Variants in PPP2R2B observed in about 807,000 individuals in gnomAD.
The protein encoded by PPP2R2B is serine/threonine-protein phosphatase 2A 55 kDa regulatory subunit B beta isoform.
In PPP2R2B, 5 loss-of-function variants were observed where a neutral mutation model predicts 46.0. The ratio of observed to expected loss-of-function variants is 0.11; its 90% confidence interval spans 0.06 to 0.23. The LOEUF is 0.23. Among genes scored for constraint, PPP2R2B ranks in the 10% least tolerant of loss-of-function variants. The pLI, the probability that PPP2R2B is intolerant of heterozygous loss-of-function variation, is 1.00. For missense variants in PPP2R2B, 367 were observed against 575.0 expected, an observed-to-expected ratio of 0.64 and a Z score of 3.70; for synonymous variants, 215 against 206.7, an observed-to-expected ratio of 1.04 and a Z score of -0.34.
chr5:146,972,447 C>A lies in PPP2R2B; in HGVS notation c.79+83218G>T, dbSNP rs183710373. Among the ~76,000 whole-genome samples the A allele has an allele frequency of 1.6e-4, 25 of 152,260 alleles. No individual in the cohort carries two copies. In the East Asian group the frequency reaches 3.5e-3, roughly 21 times the overall value. On this transcript the variant is annotated intron_variant, in intron 1 of 8. Transcript: ENST00000336640. The stretch of plus-strand genomic sequence containing the variant: ...GAGATGTTGGCTGGGCACGGTGGCT[C>A]ATGCCTGTAATCTCAGCACTTTGGG...
intron 2 of PPP2R2B, among the ~76,000 whole-genome samples, chr5:146,828,261 TAAA>T (rs1218241360): frequency 6.8e-6 from 1 of 147,582 alleles, no homozygotes; most frequent in East Asian, 2.0e-4. Flanking sequence ...TTACTTTTTT[TAAA>T]AAAAAAAAAG....
rs1283626644 is a variant in PPP2R2B at position 146,585,204 on chromosome 5, C to A, written c.*4743G>T. On this transcript the variant is annotated 3_prime_UTR_variant, in exon 10 of 10. Coordinates refer to ENST00000394411, the MANE Select transcript of PPP2R2B (RefSeq NM_181675.4). The stretch of plus-strand genomic sequence containing the variant: ...ACCAATGAATCTTTAATTCATTGAG[C>A]TTATGGGTCATTACTGGGGCTTGTT... 6.8e-6 allele frequency: 1 copy of A among 147,598 alleles called. No individual in the cohort carries two copies. The highest frequency in any genetic ancestry group is 1.5e-5 in the Non-Finnish European group (1 of 67,096). 9.1% of individuals were successfully genotyped at this position (147,598 alleles called of 1,614,324 possible).
At chr5:146,604,746 C>A (rs1772102126) in intron 7 of PPP2R2B, among the ~76,000 whole-genome samples, 2 of 152,176 alleles carry the variant, frequency 1.3e-5, no homozygotes. Flanking sequence ...AGGAGACAGA[C>A]CAGGAGGAAA....
intron 2 of PPP2R2B, among the ~76,000 whole-genome samples, chr5:146,753,469 A>G (rs1473930659): frequency 6.6e-6 from 1 of 152,182 alleles, no homozygotes; most frequent in Non-Finnish European, 1.5e-5. Flanking sequence ...AAACATTTTC[A>G]CCAAAGATGG....
At chr5:146,651,648 G>A (rs1452417613) in intron 5 of PPP2R2B, among the ~76,000 whole-genome samples, 1 of 152,084 alleles carries the variant, frequency 6.6e-6, no homozygotes, top group East Asian at 1.9e-4. Context: ...ACCCAAGACA[G>A]ACAAAACCCC....
chr5:146,952,674 A>G (rs1751668007), intron 1 of PPP2R2B, among the ~76,000 whole-genome samples: 1 of 152,120 alleles, frequency 6.6e-6, no homozygotes, highest in Non-Finnish European at 1.5e-5. Flanking sequence ...GTTGCTTGCA[A>G]CTGAAGAACT....
At chr5:146,941,309 T>C (rs771070103) in intron 1 of PPP2R2B, among the ~76,000 whole-genome samples, 7 of 152,170 alleles carry the variant, frequency 4.6e-5, no homozygotes, top group African/African-American at 2.4e-5. Context: ...ACCAAAACAC[T>C]TGGGACCTAA....
At chr5:146,874,810 G>A (rs1463292269) in intron 2 of PPP2R2B, among the ~76,000 whole-genome samples, 5 of 151,854 alleles carry the variant, frequency 3.3e-5, no homozygotes, top group Admixed American at 2.0e-4. Flanking sequence ...TAGGAAACCT[G>A]GGGTTCCATA....
At chr5:146,680,090 G>A (rs1778043360) in intron 5 of PPP2R2B, among the ~76,000 whole-genome samples, 1 of 151,626 alleles carries the variant, frequency 6.6e-6, no homozygotes, top group South Asian at 2.1e-4. Context: ...AAAGACACAT[G>A]CACACTTATG....
chr5:146,930,083 T>C (rs1763918236), intron 1 of PPP2R2B, among the ~76,000 whole-genome samples: 2 of 152,282 alleles, frequency 1.3e-5, no homozygotes, highest in African/African-American at 4.8e-5. Context: ...TAGATGAACA[T>C]TTTCTGATAG....
chr5:146,712,841 C>T (rs1194695563), intron 2 of PPP2R2B, among the ~76,000 whole-genome samples: 2 of 152,148 alleles, frequency 1.3e-5, no homozygotes. Context: ...CTCCAAACAA[C>T]GTCTCAAGAT....
At chr5:146,984,444 C>T (rs1753328291) in intron 1 of PPP2R2B, among the ~76,000 whole-genome samples, 1 of 152,138 alleles carries the variant, frequency 6.6e-6, no homozygotes, top group Admixed American at 6.5e-5. Flanking sequence ...AATAGTATTC[C>T]ATGATGTATA....
intron 1 of PPP2R2B, among the ~76,000 whole-genome samples, chr5:146,897,122 A>T (rs796288262): frequency 1.4e-4 from 21 of 152,314 alleles, no homozygotes; most frequent in African/African-American, 5.1e-4. Context: ...TAAGTGAACG[A>T]TGCATTTCAT....
intron 2 of PPP2R2B, among the ~76,000 whole-genome samples, chr5:146,763,122 C>T (rs1015679305): frequency 3.0e-4 from 45 of 152,272 alleles, no homozygotes; most frequent in African/African-American, 9.9e-4. Context: ...CTGAACTGAA[C>T]GCACAGTTAA....
At chr5:146,919,047 C>A (rs923597231) in intron 1 of PPP2R2B, among the ~76,000 whole-genome samples, 2 of 152,058 alleles carry the variant, frequency 1.3e-5, no homozygotes, top group Non-Finnish European at 2.9e-5. Context: ...TATGCAAAAC[C>A]TATATATGAA....
At chr5:147,013,121 A>G (rs1422741952) in intron 1 of PPP2R2B, among the ~76,000 whole-genome samples, 1 of 148,178 alleles carries the variant, frequency 6.7e-6, no homozygotes, top group African/African-American at 2.5e-5. Flanking sequence ...TCAGGAGTGA[A>G]CTCCCATTCA....
At chr5:146,691,073 A>G in intron 5 of PPP2R2B, 55 bp downstream of exon 5, 1 of 1,521,680 alleles carries the variant, frequency 6.6e-7, no homozygotes, top group South Asian at 1.1e-5. Context: ...GCACATGGCC[A>G]ACCTTAGGAG....
intron 2 of PPP2R2B, among the ~76,000 whole-genome samples, chr5:146,773,616 C>T (rs1480279429): frequency 6.6e-6 from 1 of 152,146 alleles, no homozygotes; most frequent in Non-Finnish European, 1.5e-5. Flanking sequence ...TGATACAGAG[C>T]CTGAAGGTAA....
intron 1 of PPP2R2B, among the ~76,000 whole-genome samples, chr5:147,032,492 T>C (rs1755834209): frequency 6.6e-6 from 1 of 152,088 alleles, no homozygotes; most frequent in African/African-American, 2.4e-5. Flanking sequence ...ATTTATAGTA[T>C]TTTAGCTCTC....
Sources: allele counts gnomAD v4.1 joint callset (sites outside exome capture counted in the v4.1 genomes callset), GRCh38; gene constraint gnomAD v4.1.1; transcripts MANE v1.5; gene names NCBI Gene and HGNC (gene_info 2026-07-23, HGNC 2026-07-21).